Variants in PLXDC2 observed in about 807,000 individuals in gnomAD.
PLXDC2 encodes plexin domain-containing protein 2.
Under a neutral mutation model 68.9 loss-of-function variants are expected in PLXDC2, and 40 were observed. The observed-to-expected ratio is 0.58, with a 90% CI of 0.45 to 0.76. The LOEUF is 0.76. Ranked by LOEUF, PLXDC2 falls within the 30% of genes least tolerant of loss-of-function variation. The pLI is 0.00. For missense variants in PLXDC2, 644 were observed against 661.9 expected (o/e 0.97, Z 0.30); for synonymous variants, 243 against 234.2 (o/e 1.04, Z -0.34).
chr10:20,032,612 T>A (rs949605317), intron 2 of PLXDC2, among the ~76,000 whole-genome samples: 3 of 152,072 alleles, frequency 2.0e-5, no homozygotes, highest in Admixed American at 6.5e-5. Context: ...TGATTGTTTT[T>A]TGAGATCCTA....
chr10:20,161,807 G>A (rs376368676), intron 6 of PLXDC2, among the ~76,000 whole-genome samples: 24 of 152,072 alleles, frequency 1.6e-4, no homozygotes, highest in African/African-American at 4.8e-4. Flanking sequence ...CGAGGTGGGC[G>A]GATCACCTGA....
At chr10:20,207,799 A>C (rs1248997006) in intron 9 of PLXDC2, among the ~76,000 whole-genome samples, 1 of 152,072 alleles carries the variant, frequency 6.6e-6, no homozygotes, top group Admixed American at 6.6e-5. Flanking sequence ...CTCCACACTT[A>C]AGCTTGTTCA....
rs1460357301 is a variant in PLXDC2, at chr10:20,096,106, C to T, written c.541+27867C>T. On this transcript the variant is annotated intron_variant, in intron 4 of 13. Transcript: ENST00000377252. ...GAACGAGTGTTCCCTGGAATACTTCCGGAATGCTGATTTAGGAAAAGCCTT... is the reference window on the plus strand; with the variant it reads ...GAACGAGTGTTCCCTGGAATACTTCTGGAATGCTGATTTAGGAAAAGCCTT... Among the ~76,000 whole-genome samples the T allele has an allele frequency of 3.9e-5, 6 of 152,064 alleles. 1 individual carries two copies. The South Asian group carries it at 1.0e-3, about 26-fold the overall frequency.
chr10:20,101,960 C>T (rs1188973702), intron 4 of PLXDC2, among the ~76,000 whole-genome samples: 2 of 151,882 alleles, frequency 1.3e-5, no homozygotes, highest in Admixed American at 1.3e-4. Context: ...CCCCACCATG[C>T]CCGGCTAATT....
chr10:19,891,038 C>A (rs946703515), intron 1 of PLXDC2, among the ~76,000 whole-genome samples: 2 of 152,118 alleles, frequency 1.3e-5, no homozygotes. Flanking sequence ...TTCTTTCTTG[C>A]TGATCTGCCA....
At chr10:20,161,976 T>C (rs1364190018) in intron 6 of PLXDC2, among the ~76,000 whole-genome samples, 1 of 150,712 alleles carries the variant, frequency 6.6e-6, no homozygotes, top group Non-Finnish European at 1.5e-5. Flanking sequence ...GAGACAAGAT[T>C]GTGCCATTGC....
intron 1 of PLXDC2, among the ~76,000 whole-genome samples, chr10:19,964,250 G>A (rs957789465): frequency 3.9e-5 from 6 of 152,198 alleles, no homozygotes; most frequent in East Asian, 3.9e-4. Flanking sequence ...CTGGGGAGCC[G>A]GCTCCAACTT....
intron 1 of PLXDC2, among the ~76,000 whole-genome samples, chr10:19,882,961 C>CTT (rs759825985): frequency 2.3e-5 from 3 of 128,344 alleles, no homozygotes; most frequent in Non-Finnish European, 5.1e-5. Context: ...TCCTTTCTTT[C>CTT]TTTTTTTTTT....
At chr10:19,850,073 T>A (rs1837085292) in intron 1 of PLXDC2, among the ~76,000 whole-genome samples, 1 of 152,182 alleles carries the variant, frequency 6.6e-6, no homozygotes, top group Admixed American at 6.5e-5. Context: ...TAACTGTCAC[T>A]CACCTTAGCA....
intron 1 of PLXDC2, among the ~76,000 whole-genome samples, chr10:19,853,627 G>C (rs1392691024): frequency 7.4e-6 from 1 of 135,100 alleles, no homozygotes; most frequent in East Asian, 2.3e-4. Context: ...CTGAACTTGA[G>C]TTAACTTTCC....
intron 9 of PLXDC2, among the ~76,000 whole-genome samples, chr10:20,197,904 A>G (rs1376552427): frequency 1.3e-5 from 2 of 152,206 alleles, no homozygotes; most frequent in Non-Finnish European, 2.9e-5. Flanking sequence ...GTAGTTAAGA[A>G]CAATCAATGA....
chr10:20,012,316 TTTTTTTTTTTTTTTTTTTGG>T (rs1190159732), intron 2 of PLXDC2, among the ~76,000 whole-genome samples: 4 of 19,186 alleles, frequency 2.1e-4, no homozygotes, highest in African/African-American at 4.1e-4. Context: ...TTTTATTTTT[TTTTTTTTTTTTTTTTTTTGG>T]AGAAGGAGAC....
chr10:20,182,494 C>T (rs1834619778), intron 9 of PLXDC2, among the ~76,000 whole-genome samples: 1 of 151,868 alleles, frequency 6.6e-6, no homozygotes, highest in African/African-American at 2.4e-5. Context: ...TACTATTTGC[C>T]TGTAGATGAA....
chr10:19,893,825 C>T (rs1292086161), intron 1 of PLXDC2, among the ~76,000 whole-genome samples: 2 of 152,236 alleles, frequency 1.3e-5, no homozygotes, highest in Non-Finnish European at 2.9e-5. Context: ...ACTAGTTACA[C>T]AGCTCTTCCC....
chr10:20,245,925 G>T (rs1835588820), intron 13 of PLXDC2, among the ~76,000 whole-genome samples: 1 of 152,168 alleles, frequency 6.6e-6, no homozygotes, highest in Non-Finnish European at 1.5e-5. Flanking sequence ...GATACAATAT[G>T]ATGGGCCTCT....
intron 1 of PLXDC2, among the ~76,000 whole-genome samples, chr10:19,998,435 G>T (rs148353028): frequency 3.4e-3 from 518 of 152,292 alleles, no homozygotes; most frequent in Non-Finnish European, 5.7e-3. Context: ...GATGAGCCAT[G>T]TACTACTGAA....
At chr10:20,132,199 G>T (rs540315563) in intron 4 of PLXDC2, among the ~76,000 whole-genome samples, 1 of 152,064 alleles carries the variant, frequency 6.6e-6, no homozygotes, top group Non-Finnish European at 1.5e-5. Context: ...TTTCATCGTG[G>T]TCTGAAAAGA....
chr10:20,113,837 C>A (rs536640976), intron 4 of PLXDC2, among the ~76,000 whole-genome samples: 1 of 152,224 alleles, frequency 6.6e-6, no homozygotes, highest in African/African-American at 2.4e-5. Flanking sequence ...TCCAATTAAG[C>A]AAATGTGGCT....
chr10:20,200,022 A>T (rs982632463), intron 9 of PLXDC2, among the ~76,000 whole-genome samples: 1 of 151,994 alleles, frequency 6.6e-6, no homozygotes, highest in South Asian at 2.1e-4. Flanking sequence ...TCTGGCAGTT[A>T]TTTCTTTAAT....
Sources: allele counts gnomAD v4.1 joint callset (sites outside exome capture counted in the v4.1 genomes callset), GRCh38; gene constraint gnomAD v4.1.1; transcripts MANE v1.5; gene names NCBI Gene and HGNC (gene_info 2026-07-23, HGNC 2026-07-21).